Variants in SYNE1 observed in about 807,000 individuals in gnomAD.
The protein encoded by SYNE1 is nesprin-1.
Under a neutral mutation model 1,111.0 loss-of-function variants are expected in SYNE1, and 616 were observed. The ratio of observed to expected loss-of-function variants is 0.55; its 90% CI spans 0.52 to 0.59. SYNE1 has a LOEUF of 0.59. Ranked by LOEUF, SYNE1 falls within the 20% of genes least tolerant of loss-of-function variation. The pLI is 0.00. For synonymous variants in SYNE1, 3,855 were observed against 3,825.8 expected (o/e 1.01, Z -0.28); for missense variants, 10,006 against 10,417.0 (o/e 0.96, Z 1.72).
intron 130 of SYNE1, among the ~76,000 whole-genome samples, chr6:152,173,858 A>G (rs2065779811): frequency 6.6e-6 from 1 of 152,244 alleles, no homozygotes; most frequent in Admixed American, 6.5e-5. Flanking sequence ...GTACCTTATA[A>G]ACATGTAATT....
chr6:152,427,471 A>G lies in SYNE1; in HGVS notation c.5100+222T>C, dbSNP rs914999916. ...ACATTACAGGATTTTCTAACACATCATGGAAATTGATCATCACAAAGTTCT... is the reference window on the plus strand; with the variant it reads ...ACATTACAGGATTTTCTAACACATCGTGGAAATTGATCATCACAAAGTTCT... On this transcript the variant is annotated intron_variant, in intron 38 of 145. Coordinates refer to ENST00000367255, the MANE Select transcript of SYNE1 (RefSeq NM_182961.4). 17 of 612,284 alleles carry G rather than the reference A, an allele frequency of 2.8e-5. No homozygotes were observed. In the African/African-American group the frequency reaches 3.1e-4, roughly 11 times the overall value. The allele number at this position is 612,284 out of a possible 1,614,324, so 37.9% of individuals were successfully genotyped here.
rs1174867120 is a variant in SYNE1 at position 152,416,528 on chromosome 6, T to C, written c.5909A>G (p.Gln1970Arg). 1 of 1,613,962 alleles carries C rather than the reference T, an allele frequency of 6.2e-7. No individual in the cohort carries two copies. Among genetic ancestry groups the C allele is most frequent in the African/African-American group, 1.3e-5 (1 of 74,880 alleles). ...CACTGCCAGAGCATCTGCCTCACTC[T>C]GCTTGGTTCCCAGAAGGTTCTGGAT... ...ERIQNLLGTK[Q>R]SEADALAVLK... Residue 1970 changes from glutamine (Q) to arginine (R), a missense_variant, in exon 41 of 146, where the codon CAG (glutamine) becomes CGG (arginine). Physicochemically the swap from Gln to Arg is conservative, Grantham distance 43. This residue lies in a region of SYNE1 where 4,955 missense variants were observed against 5,017.2 expected (regional missense o/e 0.99). Coordinates refer to ENST00000367255, the MANE Select transcript of SYNE1 (RefSeq NM_182961.4).
Position 152,278,588 on chromosome 6 carries a change from G to T in SYNE1, c.18382-308C>A, listed in dbSNP as rs148964956. 6.8e-4 allele frequency among the ~76,000 whole-genome samples: 103 copies of T among 151,806 alleles called. No individual in the cohort carries two copies. In the East Asian group the frequency reaches 0.019, roughly 28 times the overall value. ...CGCCATTCTCCTGCCTCAGCCTCCCGAGCAGCTGGGACTACAGGCGCCCAC... is the reference window on the plus strand; with the variant it reads ...CGCCATTCTCCTGCCTCAGCCTCCCTAGCAGCTGGGACTACAGGCGCCCAC... On this transcript the variant is annotated intron_variant, in intron 97 of 145. Transcript: ENST00000367255.
intron 51 of SYNE1, 89 bp downstream of exon 51, chr6:152,395,427 A>G: frequency 2.1e-6 from 3 of 1,403,892 alleles, no homozygotes; most frequent in South Asian, 2.6e-5. Flanking sequence ...AAACCAACTA[A>G]CTAACCAATC....
intron 28 of SYNE1, among the ~76,000 whole-genome samples, chr6:152,448,935 A>G (rs1332540838): frequency 1.3e-5 from 2 of 152,222 alleles, no homozygotes; most frequent in Non-Finnish European, 2.9e-5. Flanking sequence ...CAACTTTGTG[A>G]TGTGCAAGGG....
chr6:152,444,365 C>T, intron 30 of SYNE1, 46 bp downstream of exon 30: 5 of 1,600,594 alleles, frequency 3.1e-6, no homozygotes, highest in South Asian at 1.1e-5. Context: ...CTTTCAGTAG[C>T]AAATCAACTT....
In SYNE1 at chr6:152,177,411, T is replaced by C. The variant is rs1203662460; in HGVS notation, c.23461-851A>G. Among the ~76,000 whole-genome samples the C allele has an allele frequency of 2.6e-5, 4 of 152,318 alleles. No individual in the cohort carries two copies. In the East Asian group the frequency reaches 5.8e-4, roughly 22 times the overall value. ...CCAGTCTTTAGGATCAACTTTTTTA[T>C]TTTTGGCTTAAGCTCCTGTTACGTA... On this transcript the variant is annotated intron_variant, in intron 129 of 145. Transcript: ENST00000367255.
chr6:152,216,785 G>T (rs2078788968), intron 121 of SYNE1, among the ~76,000 whole-genome samples: 1 of 152,214 alleles, frequency 6.6e-6, no homozygotes, highest in Non-Finnish European at 1.5e-5. Flanking sequence ...GCAGGGCACA[G>T]TGGCTCATGC....
chr6:152,135,376 T>A (rs1449740221), intron 141 of SYNE1, 144 bp from the exon 142 acceptor site: 73 of 879,598 alleles, frequency 8.3e-5, no homozygotes, highest in Non-Finnish European at 1.2e-4. Flanking sequence ...GCACTGGTGC[T>A]GTTGTAATGA....
At chr6:152,301,705 G>C (rs2095175708) in intron 92 of SYNE1, among the ~76,000 whole-genome samples, 164 bp downstream of exon 92, 2 of 152,220 alleles carry the variant, frequency 1.3e-5, no homozygotes, top group Admixed American at 6.5e-5. Flanking sequence ...GTCAAAGATT[G>C]GCCCGGCCCA....
At position 152,585,162 on chromosome 6, in the gene SYNE1, C is replaced by T. The variant is rs12530214; in HGVS notation, c.67+43103G>A. ...TGCTCGGCAGTTCTTTCCTTGCTGCCGCCATGTGAAGAAGAACGTGTTTGC... is the reference window on the plus strand; with the variant it reads ...TGCTCGGCAGTTCTTTCCTTGCTGCTGCCATGTGAAGAAGAACGTGTTTGC... On this transcript the variant is annotated intron_variant, in intron 3 of 145. Transcript: ENST00000367255. 2.8e-3 allele frequency among the ~76,000 whole-genome samples: 431 copies of T among 152,230 alleles called. 1 individual carries two copies. The highest frequency in any genetic ancestry group is 9.4e-3 in the African/African-American group (391 of 41,518).
In SYNE1 at chr6:152,254,926, C is replaced by T. The variant is rs781427258; in HGVS notation, c.19424G>A (p.Arg6475Gln). Residue 6475 changes from arginine (R) to glutamine (Q), a missense_variant, in exon 104 of 146, where the codon CGA (arginine) becomes CAA (glutamine). Around this residue, in one of 7 missense-constraint regions of SYNE1, gnomAD observed 2,182 missense variants for 2,287.8 expected, o/e 0.95. Transcript: ENST00000367255. ...LSLLDSVVNQ[R>Q]CHQMKERLQQ... ...AAGTCTTTCTTTCATCTGATGACATCGTTGATTCACTACTGAGTCTAGCAA... is the reference window on the plus strand; with the variant it reads ...AAGTCTTTCTTTCATCTGATGACATTGTTGATTCACTACTGAGTCTAGCAA... 67 of 1,613,850 alleles carry T rather than the reference C, an allele frequency of 4.2e-5. No individual in the cohort carries two copies. The highest frequency in any genetic ancestry group is 5.2e-5 in the Non-Finnish European group (61 of 1,179,960).
At chr6:152,177,863 A>C (rs1051074736) in intron 129 of SYNE1, among the ~76,000 whole-genome samples, 2 of 152,212 alleles carry the variant, frequency 1.3e-5, no homozygotes, top group South Asian at 4.1e-4. Context: ...TGTTAATACC[A>C]ACAGACACTA....
intron 145 of SYNE1, among the ~76,000 whole-genome samples, chr6:152,130,007 G>A (rs1394461878): frequency 7.2e-5 from 11 of 152,166 alleles, no homozygotes; most frequent in Admixed American, 1.3e-4. Context: ...TGCTAACTGC[G>A]GGAGTGAGGG....
At chr6:152,606,309 AG>A (rs1254665733) in intron 3 of SYNE1, among the ~76,000 whole-genome samples, 1 of 152,200 alleles carries the variant, frequency 6.6e-6, no homozygotes, top group Non-Finnish European at 1.5e-5. Context: ...GCATTAGCCC[AG>A]GAAGGACCTA....
intron 87 of SYNE1, among the ~76,000 whole-genome samples, chr6:152,311,923 C>A (rs1485831854): frequency 2.6e-5 from 4 of 151,908 alleles, no homozygotes; most frequent in African/African-American, 7.2e-5. Context: ...CTACACGCAC[C>A]CAGGTGCCCG....
intron 127 of SYNE1, among the ~76,000 whole-genome samples, chr6:152,196,779 T>A (rs2074232129): frequency 6.6e-6 from 1 of 151,980 alleles, no homozygotes; most frequent in Non-Finnish European, 1.5e-5. Flanking sequence ...TTAGCTGTCT[T>A]CCTGGTGTGT....
intron 49 of SYNE1, among the ~76,000 whole-genome samples, chr6:152,397,818 T>C (rs984288041): frequency 6.6e-6 from 1 of 151,996 alleles, no homozygotes; most frequent in African/African-American, 2.4e-5. Context: ...CTGGCCTACA[T>C]GGTGAAACCT....
chr6:152,168,135 C>G, intron 130 of SYNE1: 1 of 779,406 alleles, frequency 1.3e-6, no homozygotes, highest in Non-Finnish European at 2.4e-6. Context: ...CAGTTACAAT[C>G]TGGGAGATCT....
Sources: allele counts gnomAD v4.1 joint callset (sites outside exome capture counted in the v4.1 genomes callset), GRCh38; gene constraint gnomAD v4.1.1; regional missense constraint gnomAD v4.1.1; transcripts MANE v1.5; gene names NCBI Gene and HGNC (gene_info 2026-07-23, HGNC 2026-07-21).